BEAN1: variants seen among roughly 807,000 people sequenced by gnomAD.
BEAN1 encodes the protein protein BEAN1.
Under a neutral mutation model 17.7 loss-of-function variants are expected in BEAN1, and 17 were observed. The observed-to-expected ratio is 0.96, with a 90% CI of 0.66 to 1.44. The LOEUF (loss-of-function observed/expected upper bound fraction) is 1.44. Ranked by LOEUF, BEAN1 falls within the 40% of genes most tolerant of loss-of-function variation. The pLI is 0.00. For synonymous variants in BEAN1, 142 were observed against 151.8 expected, an observed-to-expected ratio of 0.94 and a Z score of 0.47; for missense variants, 359 against 374.1, an observed-to-expected ratio of 0.96 and a Z score of 0.33.
chr16:66,493,306 T>A (rs1372587283), exon 5 of BEAN1: 1 of 700,630 alleles, frequency 1.4e-6, no homozygotes, highest in East Asian at 2.7e-5. Flanking sequence ...CACAGCAAGG[T>A]CCCTCAGAAG....
chr16:66,433,074 A>G (rs1447170452), intron 1 of BEAN1, among the ~76,000 whole-genome samples: 3 of 152,126 alleles, frequency 2.0e-5, no homozygotes, highest in African/African-American at 7.2e-5. Flanking sequence ...AACCTGCTGC[A>G]TCAGGGACTT....
intron 2 of BEAN1, among the ~76,000 whole-genome samples, chr16:66,444,918 C>G (rs1962388481): frequency 6.6e-6 from 1 of 152,230 alleles, no homozygotes; most frequent in Non-Finnish European, 1.5e-5. Flanking sequence ...ATCTGCAGCA[C>G]CGCTCCATCA....
At chr16:66,441,408 C>T (rs932479126) in intron 2 of BEAN1, among the ~76,000 whole-genome samples, 7 of 152,178 alleles carry the variant, frequency 4.6e-5, no homozygotes, top group African/African-American at 1.7e-4. Flanking sequence ...TTTAATTCCT[C>T]ATTCCAGATC....
chr16:66,480,838 G>A lies in BEAN1; in HGVS notation c.693G>A (p.Leu231=). The change falls in exon 5 of 5, where the codon CTG becomes CTA. Residue 231 remains leucine, a synonymous_variant. Transcript: ENST00000536005. ...GCCCCCCATCAGGCCTGCTGCCACT[G>A]CCGGGCCCAGACCCAGGGCCAAGGG... ...GAGPPSGLLP[L]PGPDPGPRGS... The A allele has an allele frequency of 6.5e-7, 1 of 1,527,456 alleles. No individual in the cohort carries two copies. The highest frequency in any genetic ancestry group is 8.8e-7 in the Non-Finnish European group (1 of 1,132,986). 94.6% of individuals were successfully genotyped at this position (1,527,456 alleles called of 1,614,324 possible).
intron 1 of BEAN1, among the ~76,000 whole-genome samples, chr16:66,431,548 T>G (rs1291617288): frequency 6.6e-6 from 1 of 152,160 alleles, no homozygotes; most frequent in African/African-American, 2.4e-5. Context: ...TTCGTGTTCT[T>G]TCTGTCTGTG....
chr16:66,459,002 C>A (rs1271769573), intron 2 of BEAN1, among the ~76,000 whole-genome samples: 1 of 152,248 alleles, frequency 6.6e-6, no homozygotes. Context: ...ACGGCTGTCT[C>A]TGAAGGCTGC....
At chr16:66,437,760 G>T (rs1245923724) in intron 2 of BEAN1, 59 bp downstream of exon 2, 13 of 1,498,038 alleles carry the variant, frequency 8.7e-6, no homozygotes, top group Non-Finnish European at 9.9e-6. Context: ...AGAGCTTGGA[G>T]TCGAGCTGCA....
At position 66,455,400 on chromosome 16, in the gene BEAN1, G is replaced by C. The variant is rs574071913; in HGVS notation, c.26-14202G>C. On this transcript the variant is annotated intron_variant, in intron 2 of 4. Transcript: ENST00000536005. ...CACAGAGGGAATTTGTAAATTGGCT[G>C]TGTTGAATGATGCTAACTAGCACCA... is the stretch of plus-strand genomic sequence containing the variant. Among the ~76,000 whole-genome samples, 213 of 152,330 alleles carry C rather than the reference G, an allele frequency of 1.4e-3. 1 individual carries two copies. The highest frequency in any genetic ancestry group is 2.5e-3 in the Admixed American group (39 of 15,304).
downstream of BEAN1, among the ~76,000 whole-genome samples, chr16:66,486,518 G>A (rs1567513178): frequency 6.6e-6 from 1 of 152,186 alleles, no homozygotes; most frequent in Non-Finnish European, 1.5e-5. Flanking sequence ...GCCACCCAAA[G>A]TCCTGGGATT....
At chr16:66,477,527 C>G (rs1963799215) in intron 3 of BEAN1, 33 bp from the exon 4 acceptor site, 2 of 1,501,342 alleles carry the variant, frequency 1.3e-6, no homozygotes, top group Non-Finnish European at 1.8e-6. Flanking sequence ...GGATCCTGGT[C>G]TGAGGCCCAG....
chr16:66,457,945 A>G (rs1043263273), intron 2 of BEAN1, among the ~76,000 whole-genome samples: 1 of 152,114 alleles, frequency 6.6e-6, no homozygotes, highest in Non-Finnish European at 1.5e-5. Context: ...CGTGTTCCCT[A>G]CACTCCTTCC....
downstream of BEAN1, chr16:66,484,516 A>T (rs1454040403): frequency 1.1e-5 from 5 of 443,908 alleles, no homozygotes; most frequent in Non-Finnish European, 2.3e-5. This position sits in a 1 kb window ranked among gnomAD's most constrained non-coding sequence, Gnocchi z 4.2. Flanking sequence ...CCAGGGGCCA[A>T]GGAGAACACC....
intron 1 of BEAN1, among the ~76,000 whole-genome samples, chr16:66,435,174 G>GC: frequency 6.6e-6 from 1 of 152,156 alleles, no homozygotes. Context: ...AAGCAGGCCA[G>GC]CCAGAGCATC....
At chr16:66,428,157 CGCTCCCCAGGG>C (rs751278328) in intron 1 of BEAN1, 1 of 152,368 alleles carries the variant, frequency 6.6e-6, no homozygotes, top group Non-Finnish European at 1.5e-5. Flanking sequence ...GCACCGCCGC[CGCTCCCCAGGG>C]GCAGGGCCCA....
At chr16:66,437,730 A>G (rs779847620) in intron 2 of BEAN1, 29 bp downstream of exon 2, 8 of 1,529,358 alleles carry the variant, frequency 5.2e-6, no homozygotes, top group Non-Finnish European at 6.1e-6. Flanking sequence ...TCCTTCCACC[A>G]CTTGGGGCCA....
chr16:66,486,859 C>A (rs548129056), downstream of BEAN1, among the ~76,000 whole-genome samples: 1 of 152,184 alleles, frequency 6.6e-6, no homozygotes, highest in African/African-American at 2.4e-5. Flanking sequence ...TGAGTCAGGG[C>A]AGGTGCTGGG....
rs147856542 is a variant in BEAN1 at position 66,478,271 on chromosome 16, G to A, written c.440+561G>A. ...GATCATGAGCAAGTTACTTAATCCC[G>A]CTGTGCCTGCTTCTCCATTGTGGAA... is the stretch of plus-strand genomic sequence containing the variant. On this transcript the variant is annotated intron_variant, in intron 4 of 4. Coordinates refer to ENST00000536005, the MANE Select transcript of BEAN1 (RefSeq NM_001178020.3). Among the ~76,000 whole-genome samples, 636 of 152,296 alleles carry A rather than the reference G, an allele frequency of 4.2e-3. 2 individuals are homozygous for A. The highest frequency in any genetic ancestry group is 0.014 in the African/African-American group (589 of 41,542).
intron 2 of BEAN1, among the ~76,000 whole-genome samples, chr16:66,448,887 G>A (rs1962560480): frequency 1.3e-5 from 2 of 152,234 alleles, no homozygotes; most frequent in Non-Finnish European, 1.5e-5. Flanking sequence ...CTCACTGCCT[G>A]TAATCCCAAC....
rs914320696 is a variant in BEAN1 at position 66,470,112 on chromosome 16, A to C, written c.289+247A>C. 1.7e-5 allele frequency: 10 copies of C among 582,124 alleles called. No individual in the cohort carries two copies. In the African/African-American group the frequency reaches 1.9e-4, roughly 11 times the overall value. 36.1% of individuals were successfully genotyped at this position (582,124 alleles called of 1,614,324 possible). ...CTGAAGGTCAGAGGGAGAGTGTGTC[A>C]CTCCTCCCCTGCCACTGTTGGTCCA... is the stretch of plus-strand genomic sequence containing the variant. On this transcript the variant is annotated intron_variant, in intron 3 of 4. Coordinates refer to ENST00000536005, the MANE Select transcript of BEAN1 (RefSeq NM_001178020.3).
Sources: allele counts gnomAD v4.1 joint callset (sites outside exome capture counted in the v4.1 genomes callset), GRCh38; gene constraint gnomAD v4.1.1; non-coding constraint Gnocchi (gnomAD v3.1); transcripts MANE v1.5; gene names NCBI Gene and HGNC (gene_info 2026-07-23, HGNC 2026-07-21).